The following RANBP2 variants were observed in gnomAD, a reference collection of about 807,000 sequenced individuals.
RANBP2 encodes E3 SUMO-protein ligase RanBP2.
A neutral mutation model predicts 303.6 loss-of-function variants in RANBP2; 57 were observed. The ratio of observed to expected loss-of-function variants is 0.19; its 90% CI spans 0.15 to 0.23. The LOEUF is 0.23. Ranked by LOEUF, RANBP2 falls within the 10% of genes least tolerant of loss-of-function variation. The pLI, the probability that RANBP2 is intolerant of heterozygous loss-of-function variation, is 1.00. For missense variants in RANBP2, 3,138 were observed against 3,780.8 expected, an observed-to-expected ratio of 0.83 and a Z score of 4.46; for synonymous variants, 1,167 against 1,301.5, an observed-to-expected ratio of 0.90 and a Z score of 2.23.
At chr2:108,729,921 T>C (rs1326268316) in intron 2 of RANBP2, among the ~76,000 whole-genome samples, 1 of 152,058 alleles carries the variant, frequency 6.6e-6, no homozygotes, top group East Asian at 1.9e-4. Flanking sequence ...GGTGTCACTA[T>C]GTTGCCCAGG....
At chr2:109,247,614 G>C in the RANBP2 span, among the ~76,000 whole-genome samples, 1 of 152,202 alleles carries the variant, frequency 6.6e-6, no homozygotes, top group Non-Finnish European at 1.5e-5. Flanking sequence ...AAAGGTGTGA[G>C]TGTCCTTAAC....
the RANBP2 span, among the ~76,000 whole-genome samples, chr2:109,034,934 G>A: frequency 6.6e-6 from 1 of 152,116 alleles, no homozygotes; most frequent in Admixed American, 6.6e-5. Flanking sequence ...GAGAAGTGAG[G>A]GGGCACATTT....
At chr2:108,768,949 A>T (rs2177858) in intron 20 of RANBP2, among the ~76,000 whole-genome samples, 2 of 151,942 alleles carry the variant, frequency 1.3e-5, no homozygotes, top group African/African-American at 4.8e-5. Flanking sequence ...CAGGAGGATC[A>T]CTTGAGCACA....
At chr2:108,792,481 C>T in the RANBP2 span, among the ~76,000 whole-genome samples, 1 of 152,030 alleles carries the variant, frequency 6.6e-6, no homozygotes. Context: ...TGGCAAAAGC[C>T]ACAATGACTT....
At chr2:108,876,088 G>C in the RANBP2 span, 1 of 1,569,978 alleles carries the variant, frequency 6.4e-7, no homozygotes, top group Non-Finnish European at 8.7e-7. Context: ...TTTTTTACAG[G>C]AGTAATAAGA....
chr2:109,010,571 T>G, the RANBP2 span, among the ~76,000 whole-genome samples: 33 of 152,314 alleles, frequency 2.2e-4, no homozygotes, highest in African/African-American at 7.9e-4. Context: ...GATGGCTGTC[T>G]TCTTGCTGTG....
chr2:108,856,091 T>C, the RANBP2 span, among the ~76,000 whole-genome samples: 1 of 152,234 alleles, frequency 6.6e-6, no homozygotes, highest in African/African-American at 2.4e-5. Flanking sequence ...AGTATCTTAC[T>C]ACTTCATTTG....
the RANBP2 span, among the ~76,000 whole-genome samples, chr2:109,386,574 A>T: frequency 1.3e-5 from 2 of 152,066 alleles, no homozygotes; most frequent in East Asian, 3.9e-4. Context: ...TGAGTCCTCT[A>T]CCCACCTCTC....
At chr2:109,708,582 C>A in the RANBP2 span, among the ~76,000 whole-genome samples, 1 of 151,908 alleles carries the variant, frequency 6.6e-6, no homozygotes, top group African/African-American at 2.4e-5. Context: ...GCCTGGGAGG[C>A]AAAGGTTGTA....
chr2:109,390,163 C>T, the RANBP2 span, among the ~76,000 whole-genome samples: 1 of 152,218 alleles, frequency 6.6e-6, no homozygotes, highest in African/African-American at 2.4e-5. Flanking sequence ...TTCACTGTCC[C>T]AACAGAGAGA....
At chr2:109,523,052 G>A in the RANBP2 span, among the ~76,000 whole-genome samples, 6 of 152,088 alleles carry the variant, frequency 3.9e-5, no homozygotes, top group Non-Finnish European at 8.8e-5. Context: ...TCTACCCCTC[G>A]GAGTCTTTGC....
At chr2:108,884,672 A>G in the RANBP2 span, 5 of 152,194 alleles carry the variant, frequency 3.3e-5, no homozygotes, top group African/African-American at 1.2e-4. Context: ...GACACATGCC[A>G]CAGCTCTCCT....
the RANBP2 span, among the ~76,000 whole-genome samples, chr2:109,382,725 C>T: frequency 9.2e-5 from 14 of 152,328 alleles, no homozygotes; most frequent in East Asian, 2.3e-3. Flanking sequence ...ATTCTCCTGG[C>T]GAGAGATGCA....
the RANBP2 span, among the ~76,000 whole-genome samples, chr2:109,234,161 G>A: frequency 2.0e-5 from 3 of 152,204 alleles, no homozygotes; most frequent in Non-Finnish European, 4.4e-5. Flanking sequence ...GCTATACCAT[G>A]AAGTTAATAG....
chr2:109,424,416 G>A, the RANBP2 span, among the ~76,000 whole-genome samples: 1 of 152,238 alleles, frequency 6.6e-6, no homozygotes, highest in Non-Finnish European at 1.5e-5. Flanking sequence ...TCAGAATGCA[G>A]CAGAAACACA....
chr2:109,588,927 T>C, the RANBP2 span, among the ~76,000 whole-genome samples: 42 of 148,722 alleles, frequency 2.8e-4, no homozygotes, highest in Non-Finnish European at 5.6e-4. Context: ...ATAAAAATTC[T>C]CTATTAATCC....
chr2:108,918,289 T>C, the RANBP2 span, among the ~76,000 whole-genome samples: 1 of 152,182 alleles, frequency 6.6e-6, no homozygotes, highest in African/African-American at 2.4e-5. Flanking sequence ...GGTCTATGCC[T>C]GTCTACTGAG....
the RANBP2 span, among the ~76,000 whole-genome samples, chr2:109,387,903 C>T: frequency 5.3e-5 from 8 of 152,178 alleles, no homozygotes; most frequent in East Asian, 1.6e-3. Flanking sequence ...GCACACGGCC[C>T]TTCCTGACTC....
At chr2:109,066,170 G>T in the RANBP2 span, among the ~76,000 whole-genome samples, 1 of 151,628 alleles carries the variant, frequency 6.6e-6, no homozygotes, top group Non-Finnish European at 1.5e-5. Context: ...GTGCAGTGGC[G>T]AAATCTTAGC....
Sources: allele counts gnomAD v4.1 joint callset (sites outside exome capture counted in the v4.1 genomes callset), GRCh38; gene constraint gnomAD v4.1.1; transcripts MANE v1.5; gene names NCBI Gene and HGNC (gene_info 2026-07-23, HGNC 2026-07-21).